Variants in APCDD1L observed in about 807,000 individuals in gnomAD.
APCDD1L encodes APC down-regulated 1 like.
In APCDD1L, 21 loss-of-function variants were observed where a neutral mutation model predicts 24.2. The observed-to-expected ratio is 0.87, with a 90% CI of 0.61 to 1.25. The LOEUF (loss-of-function observed/expected upper bound fraction) is 1.25. Ranked by LOEUF, APCDD1L falls within the 50% of genes most tolerant of loss-of-function variation. APCDD1L has a pLI of 0.00. For synonymous variants in APCDD1L, 321 were observed against 323.6 expected (o/e 0.99, Z 0.09); for missense variants, 704 against 711.7 (o/e 0.99, Z 0.12).
chr20:58,484,388 C>T (rs571828848), intron 1 of APCDD1L, among the ~76,000 whole-genome samples: 2 of 152,342 alleles, frequency 1.3e-5, no homozygotes, highest in East Asian at 3.9e-4. Context: ...CTCTGGTCCC[C>T]TCTGAACTTC....
In APCDD1L at chr20:58,494,441, T is replaced by A. The variant is rs548446614; in HGVS notation, c.49+20218A>T. On this transcript the variant is annotated intron_variant, in intron 1 of 3. Coordinates refer to ENST00000371149, the MANE Select transcript of APCDD1L (RefSeq NM_153360.3). The surrounding 1 kb of genome is among the most constrained non-coding windows in gnomAD (Gnocchi z 4.8). ...TCAAACTCCCCGGCTCAAGCCATCC[T>A]CTGGCCTCAGCCTCCTGAGTAGCTG... 6.6e-5 allele frequency among the ~76,000 whole-genome samples: 10 copies of A among 152,242 alleles called. No homozygotes were observed. Among genetic ancestry groups the A allele is most frequent in the Admixed American group, 4.6e-4 (7 of 15,284 alleles).
chr20:58,472,387 C>T (rs770057827), intron 1 of APCDD1L, among the ~76,000 whole-genome samples: 2 of 152,230 alleles, frequency 1.3e-5, no homozygotes, highest in Non-Finnish European at 2.9e-5. Flanking sequence ...GGCTCAGCTT[C>T]CACGGGGCAC....
At chr20:58,498,687 G>A (rs1455542091) in intron 1 of APCDD1L, among the ~76,000 whole-genome samples, 3 of 152,214 alleles carry the variant, frequency 2.0e-5, no homozygotes, top group South Asian at 4.1e-4. Context: ...ACACCTCCCA[G>A]CCTGATAACC....
intron 1 of APCDD1L, among the ~76,000 whole-genome samples, chr20:58,487,122 A>C (rs1371657359): frequency 6.6e-6 from 1 of 152,092 alleles, no homozygotes; most frequent in African/African-American, 2.4e-5. Flanking sequence ...AGAATTGGAA[A>C]ATGTAATTCT....
chr20:58,465,730 G>A (rs1253985835), intron 3 of APCDD1L, among the ~76,000 whole-genome samples: 1 of 152,098 alleles, frequency 6.6e-6, no homozygotes, highest in Non-Finnish European at 1.5e-5. Flanking sequence ...TGGAGGCAAC[G>A]AGCCCCAGTA....
intron 1 of APCDD1L, among the ~76,000 whole-genome samples, chr20:58,496,988 AG>A (rs1395914825): frequency 6.6e-6 from 1 of 152,196 alleles, no homozygotes; most frequent in East Asian, 1.9e-4. Context: ...AAAAAAGAAA[AG>A]TCGCGATGCA....
intron 1 of APCDD1L, among the ~76,000 whole-genome samples, chr20:58,495,963 G>A (rs976760424): frequency 3.9e-5 from 6 of 152,110 alleles, no homozygotes; most frequent in Non-Finnish European, 8.8e-5. Context: ...CCCCATCCTT[G>A]GCCTGAGTTA....
At chr20:58,465,877 C>A (rs745998636) in intron 3 of APCDD1L, among the ~76,000 whole-genome samples, 1 of 152,076 alleles carries the variant, frequency 6.6e-6, no homozygotes, top group African/African-American at 2.4e-5. Flanking sequence ...CACAAATTAG[C>A]GTTTTAAAAC....
At chr20:58,469,425 G>C (rs2865462) in intron 2 of APCDD1L, among the ~76,000 whole-genome samples, 63,168 of 151,846 alleles carry the variant, frequency 0.42, 13,471 homozygotes, top group African/African-American at 0.48. Flanking sequence ...AGGCTCTGGG[G>C]CCTTTCCCAC....
intron 1 of APCDD1L, among the ~76,000 whole-genome samples, chr20:58,509,354 A>G (rs1278270675): frequency 6.6e-6 from 1 of 152,168 alleles, no homozygotes; most frequent in Non-Finnish European, 1.5e-5. Flanking sequence ...TATGATATCA[A>G]TGGGCACAGA....
At chr20:58,493,810 T>G (rs1046196740) in intron 1 of APCDD1L, among the ~76,000 whole-genome samples, 4 of 152,180 alleles carry the variant, frequency 2.6e-5, no homozygotes, top group Middle Eastern at 3.2e-3. Context: ...GGTGTCCACA[T>G]TATGTTCACA....
intron 1 of APCDD1L, among the ~76,000 whole-genome samples, chr20:58,507,833 C>G (rs73918403): frequency 0.026 from 4,019 of 152,278 alleles, 101 homozygotes; most frequent in African/African-American, 0.067. Context: ...GATGACAGCA[C>G]AAACATGTGA....
chr20:58,512,254 G>A (rs909658580), intron 1 of APCDD1L, among the ~76,000 whole-genome samples: 6 of 152,198 alleles, frequency 3.9e-5, no homozygotes, highest in Non-Finnish European at 7.3e-5. Context: ...TTTCCTGATC[G>A]TTCAGAGCAA....
chr20:58,461,606 G>A lies in APCDD1L; in HGVS notation c.742-52C>T. The stretch of plus-strand genomic sequence containing the variant: ...TGGTTGTCCCACATAGAGAAGTTGG[G>A]GTGCAGCCTGGAAAGGAACCCCAGC... On this transcript the variant is annotated intron_variant, in intron 3 of 3. Coordinates refer to ENST00000371149, the MANE Select transcript of APCDD1L (RefSeq NM_153360.3). This position sits in a 1 kb window ranked among gnomAD's most constrained non-coding sequence, Gnocchi z 6.0. 7.2e-7 allele frequency: 1 copy of A among 1,388,028 alleles called. No individual in the cohort carries two copies. The highest frequency in any genetic ancestry group is 2.2e-4 in the Middle Eastern group (1 of 4,588). 86.0% of individuals were successfully genotyped at this position (1,388,028 alleles called of 1,614,324 possible).
chr20:58,483,082 A>G (rs1245462775), intron 1 of APCDD1L, among the ~76,000 whole-genome samples: 2 of 152,218 alleles, frequency 1.3e-5, no homozygotes, highest in Non-Finnish European at 2.9e-5. Context: ...GTGTGCCTTG[A>G]GGTCTTGCAG....
chr20:58,498,202 T>G (rs571300832), intron 1 of APCDD1L, among the ~76,000 whole-genome samples: 1 of 152,262 alleles, frequency 6.6e-6, no homozygotes, highest in African/African-American at 2.4e-5. Context: ...AAACCACATT[T>G]TCCAATTCAA....
chr20:58,466,018 T>C (rs1472452813), intron 3 of APCDD1L, among the ~76,000 whole-genome samples: 2 of 151,236 alleles, frequency 1.3e-5, no homozygotes, highest in Non-Finnish European at 2.9e-5. Flanking sequence ...TCTCTGACAC[T>C]GGGAAGGTCC....
chr20:58,478,421 CCCCTT>C (rs1399583520), intron 1 of APCDD1L, among the ~76,000 whole-genome samples: 1 of 145,742 alleles, frequency 6.9e-6, no homozygotes, highest in African/African-American at 2.5e-5. Context: ...CTTCCCTTTT[CCCCTT>C]CCCTTCCCTT....
intron 1 of APCDD1L, among the ~76,000 whole-genome samples, chr20:58,475,942 C>A (rs967426088): frequency 3.3e-5 from 5 of 152,168 alleles, no homozygotes; most frequent in African/African-American, 1.2e-4. Context: ...GCACCAATCC[C>A]TGGATTAGAG....
Sources: allele counts gnomAD v4.1 joint callset (sites outside exome capture counted in the v4.1 genomes callset), GRCh38; gene constraint gnomAD v4.1.1; non-coding constraint Gnocchi (gnomAD v3.1); transcripts MANE v1.5; gene names NCBI Gene and HGNC (gene_info 2026-07-23, HGNC 2026-07-21).